The following AVL9 variants were observed in gnomAD, a reference collection of about 807,000 sequenced individuals.
The protein encoded by AVL9 is late secretory pathway protein AVL9 homolog.
A neutral mutation model predicts 79.2 loss-of-function variants in AVL9; 49 were observed. That is an observed-to-expected ratio of 0.62 (90% CI 0.49 to 0.79). AVL9 has a LOEUF of 0.79. Ranked by LOEUF, AVL9 falls within the 30% of genes least tolerant of loss-of-function variation. The probability of loss-of-function intolerance (pLI) is 0.00; values close to 1 mark genes in which losing one functional copy is unlikely to be tolerated. For synonymous variants in AVL9, 299 were observed against 280.6 expected (o/e 1.07, Z -0.65); for missense variants, 682 against 776.8 (o/e 0.88, Z 1.45).
Position 32,544,722 on chromosome 7 carries a change from A to C in AVL9, c.243A>C (p.Arg81Ser), listed in dbSNP as rs142055726. 1.2e-3 allele frequency: 1,952 copies of C among 1,613,832 alleles called. 4 individuals are homozygous for C. Among genetic ancestry groups the C allele is most frequent in the South Asian group, 1.5e-3 (137 of 91,054 alleles). ...EDTVFFHLPPRNGNGATVFGI... is the reference protein window; with the variant it reads ...EDTVFFHLPPSNGNGATVFGI... ...CTGTGTTTTTTCACTTGCCACCCAG[A>C]AATGGAAATGGAGCCACAGTATTTG... Residue 81 changes from arginine (R) to serine (S), a missense_variant, in exon 3 of 16, where the codon AGA becomes AGC. Arg to Ser is a moderately radical substitution (Grantham distance 110). Transcript: ENST00000318709.
intron 10 of AVL9, among the ~76,000 whole-genome samples, chr7:32,569,152 T>G (rs1021133897): frequency 3.3e-5 from 5 of 152,222 alleles, no homozygotes; most frequent in African/African-American, 1.2e-4. Context: ...AATTCTGTGT[T>G]TTAAAAAGTG....
chr7:32,549,211 T>TTATA (rs3079798), intron 4 of AVL9, among the ~76,000 whole-genome samples: 1 of 142,438 alleles, frequency 7.0e-6, no homozygotes, highest in Non-Finnish European at 1.5e-5. Context: ...AAAAAAAATT[T>TTATA]TATATATATA....
chr7:32,549,757 TA>T (rs1217299251), intron 4 of AVL9, among the ~76,000 whole-genome samples: 180 of 100,314 alleles, frequency 1.8e-3, no homozygotes, highest in Middle Eastern at 5.5e-3. Context: ...TACTAAAAAT[TA>T]AAAAAAAAAA....
chr7:32,523,045 G>A (rs1202162871), intron 1 of AVL9, among the ~76,000 whole-genome samples: 1 of 150,656 alleles, frequency 6.6e-6, no homozygotes, highest in African/African-American at 2.4e-5. Context: ...CCCAGCCTCA[G>A]GTATGAATCA....
chr7:32,574,498 G>C (rs1045358988), intron 12 of AVL9, among the ~76,000 whole-genome samples: 13 of 150,432 alleles, frequency 8.6e-5, no homozygotes, highest in African/African-American at 2.4e-5. Context: ...TAATTAATTT[G>C]CTTTTAAGCA....
chr7:32,514,729 C>T (rs1446361364), intron 1 of AVL9, among the ~76,000 whole-genome samples: 2 of 152,180 alleles, frequency 1.3e-5, no homozygotes, highest in African/African-American at 2.4e-5. Flanking sequence ...CTGAGCACCT[C>T]GTGACCCCCA....
intron 10 of AVL9, among the ~76,000 whole-genome samples, chr7:32,564,746 G>T (rs1241319239): frequency 6.6e-6 from 1 of 152,122 alleles, no homozygotes; most frequent in African/African-American, 2.4e-5. Context: ...GCTGATTCAG[G>T]AAGTGTAGAG....
intron 1 of AVL9, among the ~76,000 whole-genome samples, chr7:32,502,691 A>T (rs1787195495): frequency 1.3e-5 from 2 of 152,118 alleles, no homozygotes; most frequent in South Asian, 4.1e-4. Flanking sequence ...TTTTTTGGTG[A>T]AGTTTGTATT....
intron 4 of AVL9, among the ~76,000 whole-genome samples, chr7:32,549,927 A>AG (rs1789727641): frequency 6.6e-6 from 1 of 151,900 alleles, no homozygotes; most frequent in Admixed American, 6.6e-5. Flanking sequence ...TCAAAAAAAA[A>AG]AAAGAAAGAA....
intron 11 of AVL9, among the ~76,000 whole-genome samples, chr7:32,572,039 G>A (rs564189049): frequency 6.6e-6 from 1 of 152,092 alleles, no homozygotes; most frequent in South Asian, 2.1e-4. Flanking sequence ...GCAGGTGCCT[G>A]TAATCCCAGC....
At position 32,495,555 on chromosome 7, in the gene AVL9, G is replaced by A; in HGVS notation, c.-155G>A. ...AAGGGCGGCCGTGGCCCTGGGGGCG[G>A]CGGGAGCTGCTTTGCCTCCACCGAT... On this transcript the variant is annotated 5_prime_UTR_variant, in exon 1 of 16. Coordinates refer to ENST00000318709, the MANE Select transcript of AVL9 (RefSeq NM_015060.3). 2.3e-6 allele frequency: 1 copy of A among 428,044 alleles called. No individual in the cohort carries two copies. Among genetic ancestry groups the A allele is most frequent in the Non-Finnish European group, 4.1e-6 (1 of 245,548 alleles). The allele number at this position is 428,044 out of a possible 1,614,324, so 26.5% of individuals were successfully genotyped here.
At chr7:32,502,707 G>A (rs1583480435) in intron 1 of AVL9, among the ~76,000 whole-genome samples, 3 of 152,160 alleles carry the variant, frequency 2.0e-5, no homozygotes, top group East Asian at 3.9e-4. Flanking sequence ...GTATTAAAAT[G>A]GATTTTGAAA....
chr7:32,495,646 TGGGGTCGTCAGACCCGC>T lies in AVL9; in HGVS notation c.-63_-47del. 9.0e-7 allele frequency: 1 copy of T among 1,114,746 alleles called. No individual in the cohort carries two copies. Among genetic ancestry groups the T allele is most frequent in the Non-Finnish European group, 1.2e-6 (1 of 865,304 alleles). The allele number at this position is 1,114,746 out of a possible 1,614,324, so 69.1% of individuals were successfully genotyped here. A position where few individuals can be genotyped will look rare whatever the true frequency, so the allele number is the denominator to read the frequency against. On this transcript the variant is annotated 5_prime_UTR_variant, in exon 1 of 16. Coordinates refer to ENST00000318709, the MANE Select transcript of AVL9 (RefSeq NM_015060.3). ...GAAGTCCGCGGCTTTCCGCACACGG[TGGGGTCGTCAGACCCGC>T]TGCCCTTGGCGGTCGAAGTCGTCGT...
At chr7:32,569,400 T>A (rs1431022597) in intron 10 of AVL9, among the ~76,000 whole-genome samples, 2 of 152,246 alleles carry the variant, frequency 1.3e-5, no homozygotes, top group African/African-American at 4.8e-5. Context: ...TGCTGCAGTT[T>A]AGCAATTCCA....
At chr7:32,510,081 G>T (rs1490583825) in intron 1 of AVL9, among the ~76,000 whole-genome samples, 2 of 152,150 alleles carry the variant, frequency 1.3e-5, no homozygotes, top group African/African-American at 4.8e-5. Context: ...AACTGCCCCA[G>T]GAGGAGGGAA....
intron 8 of AVL9, among the ~76,000 whole-genome samples, chr7:32,555,328 C>G (rs1397600785): frequency 1.3e-5 from 2 of 152,076 alleles, no homozygotes; most frequent in Non-Finnish European, 2.9e-5. Flanking sequence ...GCAAACAGAG[C>G]CACTGTCTCA....
At position 32,552,263 on chromosome 7, in the gene AVL9, G is replaced by A. The variant is rs749865198; in HGVS notation, c.497G>A (p.Gly166Asp). Residue 166 changes from glycine to aspartate, a missense_variant, in exon 6 of 16, where the codon GGT becomes GAT. Transcript: ENST00000318709. The stretch of plus-strand genomic sequence containing the variant: ...GAACATATGAATAGTTCCTTGGGAG[G>A]TGCTTCATTAGAAGGATCCCAAGTA... The part of the protein sequence containing the change: ...LYEHMNSSLG[G>D]ASLEGSQVYL... 2 of 1,603,824 alleles carry A rather than the reference G, an allele frequency of 1.2e-6. No individual in the cohort carries two copies. Among genetic ancestry groups the A allele is most frequent in the South Asian group, 1.1e-5 (1 of 90,688 alleles).
At chr7:32,539,290 G>C (rs1469905228) in intron 1 of AVL9, 1 of 152,000 alleles carries the variant, frequency 6.6e-6, no homozygotes, top group Admixed American at 6.5e-5. Context: ...CTTGTGACCA[G>C]CTTGTGACAG....
In AVL9 at chr7:32,575,942, A is replaced by T. The variant is rs115669748; in HGVS notation, c.1571-13A>T. On this transcript the variant is annotated splice_polypyrimidine_tract_variant and intron_variant, in intron 12 of 15. Coordinates refer to ENST00000318709, the MANE Select transcript of AVL9 (RefSeq NM_015060.3). ...CAGCCCAGCTCAACTTCTTTCAAACATTTACTTGACAGACAATGAAAAGAT... is the reference window on the plus strand; with the variant it reads ...CAGCCCAGCTCAACTTCTTTCAAACTTTTACTTGACAGACAATGAAAAGAT... The T allele has an allele frequency of 3.8e-6, 6 of 1,578,268 alleles. No individual in the cohort carries two copies. The highest frequency in any genetic ancestry group is 5.2e-6 in the Non-Finnish European group (6 of 1,147,630).
Sources: allele counts gnomAD v4.1 joint callset (sites outside exome capture counted in the v4.1 genomes callset), GRCh38; gene constraint gnomAD v4.1.1; transcripts MANE v1.5; gene names NCBI Gene and HGNC (gene_info 2026-07-23, HGNC 2026-07-21).